The following PALB2 variants were observed in gnomAD, a reference collection of about 807,000 sequenced individuals.
The protein encoded by PALB2 is mutant partner and localizer of BRCA2.
PALB2 carries 82 observed loss-of-function variants against 107.4 expected under a neutral mutation model. The ratio of observed to expected loss-of-function variants is 0.76; its 90% CI spans 0.64 to 0.92. The LOEUF (loss-of-function observed/expected upper bound fraction) is 0.92. Among genes scored for constraint, PALB2 ranks in the 40% least tolerant of loss-of-function variants. The probability of loss-of-function intolerance (pLI) is 0.00; values close to 1 mark genes in which losing one functional copy is unlikely to be tolerated. For missense variants in PALB2, 1,374 were observed against 1,379.9 expected (o/e 1.00, Z 0.07); for synonymous variants, 489 against 496.8 (o/e 0.98, Z 0.21).
intron 11 of PALB2, among the ~76,000 whole-genome samples, chr16:23,613,268 G>C (rs983295332): frequency 4.6e-5 from 7 of 152,104 alleles, no homozygotes; most frequent in African/African-American, 9.7e-5. Context: ...CTAACTGTAT[G>C]TTTGTACCCA....
chr16:23,626,369 A>G lies in PALB2; in HGVS notation c.2615T>C (p.Val872Ala), dbSNP rs730881877. ...KNPSGSCSVD[V>A]SAMFWERAGC... is the part of the protein sequence containing the mutation. ...GGCTCTTTCCCAAAACATGGCACTC[A>G]CATCTACGGAACAGGAACCTGAAGG... is the stretch of plus-strand genomic sequence containing the variant. Residue 872 changes from valine to alanine, a missense_variant, in exon 7 of 13, where the codon GTG becomes GCG. By Grantham distance (64) the Val-to-Ala change is moderately conservative. Coordinates refer to ENST00000261584, the MANE Select transcript of PALB2 (RefSeq NM_024675.4). 10 of 1,614,196 alleles carry G rather than the reference A, an allele frequency of 6.2e-6. No homozygotes were observed. Among genetic ancestry groups the G allele is most frequent in the Non-Finnish European group, 8.5e-6 (10 of 1,180,030 alleles).
At position 23,638,111 on chromosome 16, in the gene PALB2, A is replaced by C; in HGVS notation, c.67T>G (p.Phe23Val). 1 of 1,614,022 alleles carries C rather than the reference A, an allele frequency of 6.2e-7. No homozygotes were observed. The highest frequency in any genetic ancestry group is 1.1e-5 in the South Asian group (1 of 91,080). ...GTCTTGCTGTATTCCCTTTTCAAGAATGCTAATTTCTCCTTTAACTGGAAG... is the reference window on the plus strand; with the variant it reads ...GTCTTGCTGTATTCCCTTTTCAAGACTGCTAATTTCTCCTTTAACTGGAAG... ...EKEKLKEKLAFLKREYSKTLA... is the reference protein window; with the variant it reads ...EKEKLKEKLAVLKREYSKTLA... The change falls in exon 2 of 13, where the codon TTC becomes GTC. Residue 23 changes from phenylalanine (F) to valine (V), a missense_variant. Coordinates refer to ENST00000261584, the MANE Select transcript of PALB2 (RefSeq NM_024675.4).
chr16:23,637,457 C>T (rs927369202), intron 3 of PALB2, among the ~76,000 whole-genome samples: 1 of 152,146 alleles, frequency 6.6e-6, no homozygotes, highest in Non-Finnish European at 1.5e-5. Context: ...TATCCCAGCA[C>T]TTTGGGAGGC....
Position 23,641,293 on chromosome 16 carries a change from C to T in PALB2, c.-136G>A. 1.6e-6 allele frequency: 2 copies of T among 1,213,898 alleles called. No homozygotes were observed. The highest frequency in any genetic ancestry group is 2.3e-6 in the Non-Finnish European group (2 of 855,572). 75.2% of individuals were successfully genotyped at this position (1,213,898 alleles called of 1,614,324 possible). On this transcript the variant is annotated 5_prime_UTR_variant, in exon 1 of 13. Coordinates refer to ENST00000261584, the MANE Select transcript of PALB2 (RefSeq NM_024675.4). Reference sequence around the variant, plus strand: ...CGGGATCGCACCCTCAGTGCGCGATCAGCTGACCCACGCGGGCCAAGCGCG... The same window carrying T: ...CGGGATCGCACCCTCAGTGCGCGATTAGCTGACCCACGCGGGCCAAGCGCG...
chr16:23,634,839 T>C, intron 4 of PALB2, 23 bp downstream of exon 4: 1 of 1,603,734 alleles, frequency 6.2e-7, no homozygotes. Context: ...ATCATCATCA[T>C]CATCAAACAC....
chr16:23,626,520 T>C (rs1260876113), intron 6 of PALB2, 123 bp from the exon 7 acceptor site: 2 of 1,172,032 alleles, frequency 1.7e-6, no homozygotes, highest in East Asian at 2.4e-5. Context: ...TTAAGTCTTA[T>C]GCAGGTGAAA....
chr16:23,607,550 C>T (rs919924256), intron 12 of PALB2, among the ~76,000 whole-genome samples: 5 of 151,908 alleles, frequency 3.3e-5, no homozygotes, highest in Admixed American at 2.6e-4. Flanking sequence ...CCCACCTTGA[C>T]CTCCCAAAGT....
chr16:23,629,683 C>CA lies in PALB2; in HGVS notation c.2470dup (p.Cys824LeufsTer2), dbSNP rs863224521. On this transcript the variant is annotated frameshift_variant, in exon 5 of 13. Transcript: ENST00000261584. LOFTEE classifies it high-confidence loss of function. ...ATGCAGCTCCTGGCATGTGTTTCTA[C>CA]AGAGCTGATTTTCTTTAAAAGTGAA... The CA allele has an allele frequency of 6.2e-7, 1 of 1,614,224 alleles. No individual in the cohort carries two copies. The highest frequency in any genetic ancestry group is 8.5e-7 in the Non-Finnish European group (1 of 1,180,046).
intron 3 of PALB2, among the ~76,000 whole-genome samples, 198 bp downstream of exon 3, chr16:23,637,652 C>A (rs1438692897): frequency 1.3e-5 from 2 of 152,062 alleles, no homozygotes; most frequent in Non-Finnish European, 2.9e-5. Flanking sequence ...TTGTAGTGAG[C>A]CAAGATTGTG....
In PALB2 at chr16:23,641,220, C is replaced by G. The variant is rs888298194; in HGVS notation, c.-63G>C. 6.3e-7 allele frequency: 1 copy of G among 1,586,820 alleles called. No individual in the cohort carries two copies. Among genetic ancestry groups the G allele is most frequent in the Non-Finnish European group, 8.6e-7 (1 of 1,165,744 alleles). On this transcript the variant is annotated 5_prime_UTR_variant, in exon 1 of 13. Transcript: ENST00000261584. ...ACCCCAGGCCTGCCGACACCGGGAC[C>G]CAGTTGGCCCTGGGCCGGGGAGGCG...
rs373287455 is a variant in PALB2 at position 23,641,121 on chromosome 16, C to T, written c.37G>A (p.Glu13Lys). The T allele has an allele frequency of 7.4e-6, 12 of 1,613,486 alleles. No homozygotes were observed. The highest frequency in any genetic ancestry group is 3.3e-5 in the South Asian group (3 of 90,964). The part of the protein sequence containing the change: ...EPPGKPLSCE[E>K]KEKLKEKLAF... ...CGCACCCCCGGCACCTTTTCCTTCTCCTCACAGCTGAGGGGCTTCCCGGGA... is the reference window on the plus strand; with the variant it reads ...CGCACCCCCGGCACCTTTTCCTTCTTCTCACAGCTGAGGGGCTTCCCGGGA... Residue 13 changes from glutamate (E) to lysine (K), a missense_variant, in exon 1 of 13, where the codon GAG (glutamate) becomes AAG (lysine). Coordinates refer to ENST00000261584, the MANE Select transcript of PALB2 (RefSeq NM_024675.4).
Position 23,630,172 on chromosome 16 carries a change from G to A in PALB2, c.1982C>T (p.Pro661Leu), listed in dbSNP as rs71379822. ...GSCIFPEELS[P>L]KRMDTEMEDL... Reference sequence around the variant, plus strand: ...CTCCATTTCTGTATCCATGCGTTTAGGACTCAGTTCCTCTGGAAAAATACA... The same window carrying A: ...CTCCATTTCTGTATCCATGCGTTTAAGACTCAGTTCCTCTGGAAAAATACA... Residue 661 changes from proline (P) to leucine (L), a missense_variant, in exon 5 of 13, where the codon CCT becomes CTT. Physicochemically the swap from Pro to Leu is moderately conservative, Grantham distance 98. Transcript: ENST00000261584. The A allele has an allele frequency of 6.2e-7, 1 of 1,614,120 alleles. No homozygotes were observed.
intron 3 of PALB2, among the ~76,000 whole-genome samples, chr16:23,637,253 AAAAAC>A (rs1389945945): frequency 3.9e-5 from 6 of 152,150 alleles, no homozygotes; most frequent in African/African-American, 9.7e-5. Flanking sequence ...GTCTCAAAAT[AAAAAC>A]AAAACAAAAC....
chr16:23,635,610 A>G lies in PALB2; in HGVS notation c.936T>C (p.Ser312=), dbSNP rs1555461534. Residue 312 remains serine, a synonymous_variant, in exon 4 of 13, where the codon AGT becomes AGC. Transcript: ENST00000261584. ...AATTAGAACTTGTGGGCAGTTGGCCACTTTTACTTATAGCTTTATTTACAA... is the reference window on the plus strand; with the variant it reads ...AATTAGAACTTGTGGGCAGTTGGCCGCTTTTACTTATAGCTTTATTTACAA... ...NLLVNKAISK[S]GQLPTSSNLE... 1 of 1,613,812 alleles carries G rather than the reference A, an allele frequency of 6.2e-7. No individual in the cohort carries two copies. The highest frequency in any genetic ancestry group is 8.5e-7 in the Non-Finnish European group (1 of 1,179,794).
At chr16:23,639,766 G>C (rs1967167670) in intron 1 of PALB2, among the ~76,000 whole-genome samples, 1 of 151,962 alleles carries the variant, frequency 6.6e-6, no homozygotes, top group South Asian at 2.1e-4. Flanking sequence ...GTTGCAGTGA[G>C]CCAAGATCGA....
intron 4 of PALB2, among the ~76,000 whole-genome samples, chr16:23,630,970 TA>T (rs1029747344): frequency 6.7e-6 from 1 of 148,702 alleles, no homozygotes; most frequent in Non-Finnish European, 1.5e-5. Flanking sequence ...AAATAAAAAT[TA>T]AAAAAAATAA....
At chr16:23,626,177 A>T (rs2142352239) in intron 7 of PALB2, 59 bp downstream of exon 7, 1 of 1,603,908 alleles carries the variant, frequency 6.2e-7, no homozygotes, top group Non-Finnish European at 8.5e-7. Flanking sequence ...TAAGCTGCCC[A>T]TCTACATTAT....
Position 23,636,197 on chromosome 16 carries a change from G to A in PALB2, c.349C>T (p.Pro117Ser), listed in dbSNP as rs1413238389. Residue 117 changes from proline (P) to serine (S), a missense_variant, in exon 4 of 13, where the codon CCT (proline) becomes TCT (serine). Physicochemically the swap from Pro to Ser is moderately conservative, Grantham distance 74 (BLOSUM62 -1). Transcript: ENST00000261584. ...TGGGTGTCATCTGTTCTTTGTATAGGTAATCCTCCTGGGCCATCTCCAGGG... is the reference window on the plus strand; with the variant it reads ...TGGGTGTCATCTGTTCTTTGTATAGATAATCCTCCTGGGCCATCTCCAGGG... ...FNPGDGPGGLPIQRTDDTQEH... is the reference protein window; with the variant it reads ...FNPGDGPGGLSIQRTDDTQEH... 2 of 1,613,206 alleles carry A rather than the reference G, an allele frequency of 1.2e-6. No homozygotes were observed. The highest frequency in any genetic ancestry group is 1.1e-5 in the South Asian group (1 of 90,856).
chr16:23,641,245 GC>G lies in PALB2; in HGVS notation c.-89del. The G allele has an allele frequency of 6.6e-7, 1 of 1,519,200 alleles. No individual in the cohort carries two copies. The highest frequency in any genetic ancestry group is 9.0e-7 in the Non-Finnish European group (1 of 1,114,128). The allele number at this position is 1,519,200 out of a possible 1,614,324, so 94.1% of individuals were successfully genotyped here. On this transcript the variant is annotated 5_prime_UTR_variant, in exon 1 of 13. Coordinates refer to ENST00000261584, the MANE Select transcript of PALB2 (RefSeq NM_024675.4). The stretch of plus-strand genomic sequence containing the variant: ...CCAGTTGGCCCTGGGCCGGGGAGGC[GC>G]CCCAGGAAGGAATGGGGAGCCCGGG...
Sources: gnomAD v4.1 joint callset for allele counts (sites outside exome capture counted in the v4.1 genomes callset) on GRCh38, gnomAD v4.1.1 for gene constraint, MANE v1.5 for transcripts, NCBI Gene and HGNC (gene_info 2026-07-23, HGNC 2026-07-21) for gene names.